The following KIAA1549L variants were observed in gnomAD, a reference collection of about 807,000 sequenced individuals.
KIAA1549L encodes the protein KIAA1549 like.
Under a neutral mutation model 160.7 loss-of-function variants are expected in KIAA1549L, and 88 were observed. That is an observed-to-expected ratio of 0.55 (90% CI 0.46 to 0.65). The LOEUF is 0.65. KIAA1549L is among the 30% of genes least tolerant of loss of function. The pLI is 0.00. For missense variants in KIAA1549L, 2,258 were observed against 2,437.5 expected (o/e 0.93, Z 1.55); for synonymous variants, 950 against 976.7 (o/e 0.97, Z 0.51).
chr11:33,405,417 G>A (rs1029175657), intron 1 of KIAA1549L, among the ~76,000 whole-genome samples: 1 of 151,352 alleles, frequency 6.6e-6, no homozygotes, highest in Non-Finnish European at 1.5e-5. Context: ...GTGGTTTTGA[G>A]TAACAGAATT....
intron 1 of KIAA1549L, among the ~76,000 whole-genome samples, chr11:33,520,684 A>ACACACACAC (rs1853464753): frequency 7.1e-5 from 6 of 84,794 alleles, no homozygotes; most frequent in East Asian, 8.3e-4. Context: ...CCCCACCCCC[A>ACACACACAC]ACACACACAC....
chr11:33,435,832 GTATATGTATA>G (rs1851364957), intron 1 of KIAA1549L, among the ~76,000 whole-genome samples: 4 of 33,570 alleles, frequency 1.2e-4, no homozygotes, highest in African/African-American at 3.5e-4. Context: ...ATATATATAT[GTATATGTATA>G]TGTGTGTGTG....
intron 7 of KIAA1549L, among the ~76,000 whole-genome samples, 197 bp downstream of exon 7, chr11:33,560,108 G>T (rs568033302): frequency 5.3e-4 from 80 of 152,270 alleles, no homozygotes; most frequent in African/African-American, 1.9e-3. Flanking sequence ...AATATGTGAT[G>T]GACTAAGAAT....
At position 33,476,441 on chromosome 11, in the gene KIAA1549L, C is replaced by T. The variant is rs111894689; in HGVS notation, c.239-65361C>T. On this transcript the variant is annotated intron_variant, in intron 1 of 20. Transcript: ENST00000658780. ...GAGGAACTAGTAGATGCTAGACGCC[C>T]AGAATCCAGAGCAGTTTTGATACAG... Among the ~76,000 whole-genome samples, 2 of 152,236 alleles carry T rather than the reference C, an allele frequency of 1.3e-5. 1 individual carries two copies. Among genetic ancestry groups the T allele is most frequent in the African/African-American group, 4.8e-5 (2 of 41,558 alleles).
In KIAA1549L at chr11:33,645,689, G is replaced by A; in HGVS notation, c.5413G>A (p.Glu1805Lys). 6.2e-7 allele frequency: 1 copy of A among 1,611,196 alleles called. No individual in the cohort carries two copies. The highest frequency in any genetic ancestry group is 8.5e-7 in the Non-Finnish European group (1 of 1,177,446). ...TGGGCTTTGTTTCCTCCCACAGACT[G>A]AGCCTGAAATCATAGAGGAAACCAA... ...RGIRNSGYDT[E>K]PEIIEETNID... Residue 1805 changes from glutamate to lysine, a missense_variant, in exon 17 of 21, where the codon GAG becomes AAG. Glu to Lys is a moderately conservative substitution (Grantham distance 56). Transcript: ENST00000658780.
intron 19 of KIAA1549L, among the ~76,000 whole-genome samples, chr11:33,659,954 C>G (rs1401565589): frequency 6.6e-6 from 1 of 152,214 alleles, no homozygotes; most frequent in Non-Finnish European, 1.5e-5. Flanking sequence ...CTCTCATCCC[C>G]TAGCCACGGC....
chr11:33,452,467 G>A (rs1376563175), intron 1 of KIAA1549L, among the ~76,000 whole-genome samples: 2 of 152,124 alleles, frequency 1.3e-5, no homozygotes, highest in African/African-American at 4.8e-5. Context: ...AATTAGCCAG[G>A]CGTAGTGGCG....
intron 1 of KIAA1549L, among the ~76,000 whole-genome samples, chr11:33,430,045 T>TCCTC (rs60235599): frequency 0.095 from 12,218 of 128,858 alleles, 863 homozygotes; most frequent in South Asian, 0.19. Flanking sequence ...CTTCCTTCCT[T>TCCTC]CCTCCCTTCC....
chr11:33,464,631 G>T (rs1349768970), intron 1 of KIAA1549L, among the ~76,000 whole-genome samples: 2 of 151,830 alleles, frequency 1.3e-5, no homozygotes, highest in East Asian at 3.9e-4. Flanking sequence ...GCATTCCTAT[G>T]TCCCTGTCCC....
chr11:33,511,577 C>T (rs928426843), intron 1 of KIAA1549L, among the ~76,000 whole-genome samples: 6 of 152,260 alleles, frequency 3.9e-5, no homozygotes, highest in South Asian at 2.1e-4. Context: ...CATTGAAATG[C>T]GTGGTTGCCC....
At chr11:33,535,775 A>G (rs545047150) in intron 1 of KIAA1549L, among the ~76,000 whole-genome samples, 5 of 152,312 alleles carry the variant, frequency 3.3e-5, no homozygotes, top group African/African-American at 1.2e-4. Context: ...ATGGGGTCAC[A>G]TTAGAGTCTG....
Position 33,656,034 on chromosome 11 carries a change from C to T in KIAA1549L, c.5783C>T (p.Pro1928Leu). Residue 1928 changes from proline (P) to leucine (L), a missense_variant, in exon 18 of 21, where the codon CCT becomes CTT. Physicochemically the swap from Pro to Leu is moderately conservative, Grantham distance 98 (BLOSUM62 -3). Coordinates refer to ENST00000658780, the MANE Select transcript of KIAA1549L (RefSeq NM_012194.3). ...PRPAYRFSQL[P>L]EMVMGSPPPP... Reference sequence around the variant, plus strand: ...CAGGCTTACAGGTTTTCCCAGCTTCCTGAGATGGTCATGGGCTCACCGCCT... The same window carrying T: ...CAGGCTTACAGGTTTTCCCAGCTTCTTGAGATGGTCATGGGCTCACCGCCT... 6.2e-7 allele frequency: 1 copy of T among 1,613,886 alleles called. No homozygotes were observed. Among genetic ancestry groups the T allele is most frequent in the Non-Finnish European group, 8.5e-7 (1 of 1,179,828 alleles).
At chr11:33,647,375 C>CAAAAAA (rs10578169) in intron 17 of KIAA1549L, among the ~76,000 whole-genome samples, 1 of 115,108 alleles carries the variant, frequency 8.7e-6, no homozygotes, top group African/African-American at 3.4e-5. Context: ...GACTCTGTCT[C>CAAAAAA]AAAAAAAAAA....
rs928923215 is a variant in KIAA1549L, at chr11:33,572,731, G to T, written c.4231-1971G>T. 5.3e-5 allele frequency among the ~76,000 whole-genome samples: 8 copies of T among 152,230 alleles called. No homozygotes were observed. The South Asian group carries it at 1.7e-3, about 31-fold the overall frequency. Reference sequence around the variant, plus strand: ...GTTGGTATACACCTGGGCTTTTCCAGTTTGTAGCTATTAAGCAAGGCTGCT... The same window carrying T: ...GTTGGTATACACCTGGGCTTTTCCATTTTGTAGCTATTAAGCAAGGCTGCT... On this transcript the variant is annotated intron_variant, in intron 9 of 20. Transcript: ENST00000658780.
intron 12 of KIAA1549L, among the ~76,000 whole-genome samples, chr11:33,597,986 C>G (rs748733812): frequency 6.6e-6 from 1 of 152,086 alleles, no homozygotes; most frequent in African/African-American, 2.4e-5. Context: ...TTTAAAAGCA[C>G]GCAGTAAAGT....
intron 1 of KIAA1549L, among the ~76,000 whole-genome samples, chr11:33,378,679 C>T (rs1039948547): frequency 2.0e-5 from 3 of 152,202 alleles, no homozygotes; most frequent in Admixed American, 6.5e-5. Context: ...TGCTGTCCCC[C>T]TTTATGACCA....
chr11:33,668,005 A>G lies in KIAA1549L; in HGVS notation c.6292A>G (p.Thr2098Ala). ...PSLEQAPAPS[T>A]AASQQSLAEN... Reference sequence around the variant, plus strand: ...CCTGGAGCAGGCCCCGGCGCCCTCCACAGCGGCCTCGCAGCAGAGCCTGGC... The same window carrying G: ...CCTGGAGCAGGCCCCGGCGCCCTCCGCAGCGGCCTCGCAGCAGAGCCTGGC... The change falls in exon 21 of 21, where the codon ACA becomes GCA. Residue 2098 changes from threonine to alanine, a missense_variant. This residue lies in a region of KIAA1549L where 1,359 missense variants were observed against 1,546.6 expected (regional missense o/e 0.88). Transcript: ENST00000658780. 6.2e-7 allele frequency: 1 copy of G among 1,613,906 alleles called. No homozygotes were observed. The highest frequency in any genetic ancestry group is 8.5e-7 in the Non-Finnish European group (1 of 1,179,892).
intron 1 of KIAA1549L, among the ~76,000 whole-genome samples, chr11:33,481,592 A>G (rs1196281079): frequency 6.6e-6 from 1 of 152,124 alleles, no homozygotes; most frequent in Non-Finnish European, 1.5e-5. Flanking sequence ...AATAGCTTGA[A>G]TTTTGTTTCT....
intron 20 of KIAA1549L, among the ~76,000 whole-genome samples, chr11:33,663,985 G>A (rs2133453846): frequency 6.6e-6 from 1 of 152,310 alleles, no homozygotes. Context: ...CCATGTCCTG[G>A]TCTTGGTTCT....
Sources: gnomAD v4.1 joint callset for allele counts (sites outside exome capture counted in the v4.1 genomes callset) on GRCh38, gnomAD v4.1.1 for gene constraint, gnomAD v4.1.1 regional missense constraint, MANE v1.5 for transcripts, NCBI Gene and HGNC (gene_info 2026-07-23, HGNC 2026-07-21) for gene names.